The following WDR72 variants were observed in gnomAD, a reference collection of about 807,000 sequenced individuals.
WDR72 encodes the protein WD repeat-containing protein 72.
WDR72 carries 120 observed loss-of-function variants against 124.2 expected under a neutral mutation model. That is an observed-to-expected ratio of 0.97 (90% CI 0.83 to 1.12). The LOEUF (loss-of-function observed/expected upper bound fraction) is 1.12. WDR72 is among the 50% of genes most tolerant of loss of function. WDR72 has a pLI of 0.00. For synonymous variants in WDR72, 452 were observed against 441.7 expected, an observed-to-expected ratio of 1.02 and a Z score of -0.29; for missense variants, 1,387 against 1,278.8, an observed-to-expected ratio of 1.08 and a Z score of -1.29.
At chr15:53,715,772 C>T (rs2017687281) in intron 4 of WDR72, among the ~76,000 whole-genome samples, 1 of 152,142 alleles carries the variant, frequency 6.6e-6, no homozygotes, top group Admixed American at 6.5e-5. Context: ...TTGCCGTTAG[C>T]ACCACTGTAC....
chr15:53,717,613 C>T (rs753998014), intron 3 of WDR72, among the ~76,000 whole-genome samples: 5 of 152,056 alleles, frequency 3.3e-5, no homozygotes, highest in Non-Finnish European at 7.4e-5. Flanking sequence ...TCCAAGGACA[C>T]TTGGTAATAT....
chr15:53,637,601 T>A (rs75757501), intron 14 of WDR72, among the ~76,000 whole-genome samples: 3,471 of 152,252 alleles, frequency 0.023, 62 homozygotes, highest in Non-Finnish European at 0.039. Flanking sequence ...TCTTCCTTCA[T>A]GTGGTCACAT....
intron 13 of WDR72, among the ~76,000 whole-genome samples, chr15:53,689,366 C>A (rs2016757682): frequency 6.7e-6 from 1 of 149,376 alleles, no homozygotes; most frequent in African/African-American, 2.5e-5. Flanking sequence ...AACAAATTTA[C>A]AAGAAAAAAA....
chr15:53,610,913 T>A (rs1295046370), intron 16 of WDR72, among the ~76,000 whole-genome samples: 1 of 152,110 alleles, frequency 6.6e-6, no homozygotes, highest in East Asian at 1.9e-4. Flanking sequence ...TAAGTATTGG[T>A]CTCAACTGTA....
chr15:53,605,725 C>A (rs1205116350), intron 17 of WDR72, among the ~76,000 whole-genome samples: 3 of 152,042 alleles, frequency 2.0e-5, no homozygotes, highest in Non-Finnish European at 4.4e-5. Flanking sequence ...CATGGTGGTT[C>A]ATGCCTGTAA....
chr15:53,726,192 ATG>A (rs1555428745), intron 2 of WDR72, among the ~76,000 whole-genome samples: 1 of 126,558 alleles, frequency 7.9e-6, no homozygotes, highest in Non-Finnish European at 1.7e-5. Context: ...ATATATATAT[ATG>A]TGTGTGTGTA....
intron 14 of WDR72, among the ~76,000 whole-genome samples, chr15:53,660,714 C>A (rs2015580495): frequency 2.0e-5 from 3 of 151,922 alleles, no homozygotes; most frequent in Non-Finnish European, 2.9e-5. Context: ...AAAGAAAATT[C>A]CATTAAAAAA....
At chr15:53,609,073 T>G (rs2013417184) in intron 17 of WDR72, among the ~76,000 whole-genome samples, 2 of 152,104 alleles carry the variant, frequency 1.3e-5, no homozygotes, top group African/African-American at 4.8e-5. Flanking sequence ...GATGTGATAA[T>G]TAGGCATTGC....
At chr15:53,709,042 C>G (rs2017462546) in intron 9 of WDR72, among the ~76,000 whole-genome samples, 1 of 152,188 alleles carries the variant, frequency 6.6e-6, no homozygotes, top group Admixed American at 6.5e-5. Context: ...TATGGTATTA[C>G]TCCAAAAAAT....
chr15:53,695,024 C>G (rs1406360011), intron 13 of WDR72, among the ~76,000 whole-genome samples: 1 of 152,120 alleles, frequency 6.6e-6, no homozygotes. Flanking sequence ...GTAGTTGTAA[C>G]AAAGATCATA....
intron 1 of WDR72, among the ~76,000 whole-genome samples, chr15:53,759,119 A>G (rs1595893524): frequency 1.3e-5 from 2 of 152,132 alleles, no homozygotes; most frequent in African/African-American, 4.8e-5. Context: ...ACACCCCAGC[A>G]GGCTTAGGCC....
chr15:53,530,029 C>G (rs1892364302), intron 18 of WDR72, among the ~76,000 whole-genome samples: 1 of 151,628 alleles, frequency 6.6e-6, no homozygotes, highest in South Asian at 2.1e-4. Context: ...TTATGTTCTC[C>G]TTTGGAAAAC....
intron 18 of WDR72, among the ~76,000 whole-genome samples, chr15:53,596,760 A>G (rs538459664): frequency 6.6e-6 from 1 of 152,310 alleles, no homozygotes; most frequent in South Asian, 2.1e-4. Flanking sequence ...TGATAGCAGA[A>G]TAGGTCAGAA....
chr15:53,641,743 G>T (rs2014859835), intron 14 of WDR72, among the ~76,000 whole-genome samples: 1 of 151,524 alleles, frequency 6.6e-6, no homozygotes, highest in Admixed American at 6.6e-5. Flanking sequence ...ACTTATGAAT[G>T]GAATTTTAAT....
intron 18 of WDR72, among the ~76,000 whole-genome samples, chr15:53,575,600 T>G (rs1178580590): frequency 1.3e-5 from 2 of 152,066 alleles, no homozygotes; most frequent in Non-Finnish European, 2.9e-5. Flanking sequence ...GGTCATATAT[T>G]GTAGAAGGGA....
rs542042290 is a variant in WDR72, at chr15:53,649,455, T to C, written c.1962+16117A>G. ...AATTTTATGTGTTAAATCCCCTTAATTCAGTTGTTACACTTTAAAAGAGGA... is the reference window on the plus strand; with the variant it reads ...AATTTTATGTGTTAAATCCCCTTAACTCAGTTGTTACACTTTAAAAGAGGA... On this transcript the variant is annotated intron_variant, in intron 14 of 19. Coordinates refer to ENST00000360509, the MANE Select transcript of WDR72 (RefSeq NM_182758.4). 7.9e-5 allele frequency among the ~76,000 whole-genome samples: 12 copies of C among 152,278 alleles called. No individual in the cohort carries two copies. In the East Asian group the frequency reaches 1.3e-3, roughly 17 times the overall value.
In WDR72 at chr15:53,615,419, G is replaced by A. The variant is rs374140531; in HGVS notation, c.2780+7C>T. ...TAGTATAGTCAAAATCTCTAGGTAT[G>A]TCTTACCTGCCAACTCTACATGCCA... On this transcript the variant is annotated splice_region_variant and intron_variant, in intron 15 of 19. Transcript: ENST00000360509. The A allele has an allele frequency of 1.5e-4, 239 of 1,600,004 alleles. No individual in the cohort carries two copies. Among genetic ancestry groups the A allele is most frequent in the Non-Finnish European group, 1.9e-4 (223 of 1,170,350 alleles).
chr15:53,645,794 G>A (rs1234808827), intron 14 of WDR72, among the ~76,000 whole-genome samples: 1 of 152,068 alleles, frequency 6.6e-6, no homozygotes, highest in East Asian at 1.9e-4. Context: ...ACCCATTTGT[G>A]TTAGTATGTC....
intron 2 of WDR72, among the ~76,000 whole-genome samples, chr15:53,723,558 G>C (rs2675338): frequency 0.05 from 7,640 of 152,154 alleles, 642 homozygotes; most frequent in African/African-American, 0.17. Flanking sequence ...TCCATTAACG[G>C]ATGCAGAGAT....
Sources: allele counts gnomAD v4.1 joint callset (sites outside exome capture counted in the v4.1 genomes callset), GRCh38; gene constraint gnomAD v4.1.1; transcripts MANE v1.5; gene names NCBI Gene and HGNC (gene_info 2026-07-23, HGNC 2026-07-21).